Variants in ST3GAL1 observed in about 807,000 individuals in gnomAD.
ST3GAL1 encodes the protein ST3 beta-galactoside alpha-2,3-sialyltransferase 1, also known as CMP-N-acetylneuraminate-beta-galactosamide-alpha-2,3-sialyltransferase 1.
In ST3GAL1, 16 loss-of-function variants were observed where a neutral mutation model predicts 34.1. The ratio of observed to expected loss-of-function variants is 0.47; its 90% confidence interval spans 0.32 to 0.71. ST3GAL1 has a LOEUF of 0.71. ST3GAL1 is among the 30% of genes least tolerant of loss of function. The pLI, the probability that ST3GAL1 is intolerant of heterozygous loss-of-function variation, is 0.04. For missense variants in ST3GAL1, 353 were observed against 447.4 expected (o/e 0.79, Z 1.90); for synonymous variants, 191 against 184.7 (o/e 1.03, Z -0.28).
intron 4 of ST3GAL1, 63 bp downstream of exon 4, chr8:133,476,215 G>C: frequency 1.7e-6 from 1 of 598,352 alleles, no homozygotes; most frequent in Non-Finnish European, 2.8e-6. Flanking sequence ...CTGTGTCCCA[G>C]ACACGGCTGT....
Position 133,571,316 on chromosome 8 carries a change from A to G in ST3GAL1, c.-582+377T>C, listed in dbSNP as rs1244123234. ...CCAGCCCGGCGCCGGGTGCAATGTC[A>G]CTGGGGCTGCTTTCGGGAACCGCTG... On this transcript the variant is annotated intron_variant, in intron 1 of 9. Transcript: ENST00000522652. This position sits in a 1 kb window ranked among gnomAD's most constrained non-coding sequence, Gnocchi z 6.7. 1.3e-5 allele frequency among the ~76,000 whole-genome samples: 2 copies of G among 151,988 alleles called. No homozygotes were observed. Among genetic ancestry groups the G allele is most frequent in the Non-Finnish European group, 2.9e-5 (2 of 67,976 alleles).
intron 3 of ST3GAL1, among the ~76,000 whole-genome samples, chr8:133,489,924 C>T (rs1262815102): frequency 6.6e-6 from 1 of 152,136 alleles, no homozygotes; most frequent in Non-Finnish European, 1.5e-5. Flanking sequence ...GACAAAAGCC[C>T]ATGGAATATC....
At chr8:133,464,716 G>T (rs962868590) in intron 7 of ST3GAL1, 62 bp downstream of exon 7, 13 of 1,538,732 alleles carry the variant, frequency 8.4e-6, no homozygotes, top group African/African-American at 4.1e-5. Context: ...ACGGCAGGGT[G>T]GGGGGACAGG....
intron 2 of ST3GAL1, among the ~76,000 whole-genome samples, chr8:133,544,561 AT>A (rs1474117623): frequency 6.6e-6 from 1 of 151,990 alleles, no homozygotes. Flanking sequence ...CTTGTTTCTT[AT>A]CGCTCTTGCC....
Position 133,476,331 on chromosome 8 carries a change from T to C in ST3GAL1, c.-104A>G. On this transcript the variant is annotated 5_prime_UTR_variant, in exon 4 of 10. Coordinates refer to ENST00000522652, the MANE Select transcript of ST3GAL1 (RefSeq NM_173344.3). Reference sequence around the variant, plus strand: ...TCTGCAATCCTTAAAGAGCTGATAATGTCTCTCGATCAAGCTTTAACCAGT... The same window carrying C: ...TCTGCAATCCTTAAAGAGCTGATAACGTCTCTCGATCAAGCTTTAACCAGT... The C allele has an allele frequency of 3.9e-6, 1 of 257,254 alleles. No homozygotes were observed. Among genetic ancestry groups the C allele is most frequent in the Non-Finnish European group, 7.5e-6 (1 of 133,902 alleles). The allele number at this position is 257,254 out of a possible 1,614,324, so 15.9% of individuals were successfully genotyped here.
rs1388745474 is a variant in ST3GAL1, at chr8:133,556,446, G to C, written c.-581-10520C>G. Among the ~76,000 whole-genome samples, 2 of 152,160 alleles carry C rather than the reference G, an allele frequency of 1.3e-5. No individual in the cohort carries two copies. The highest frequency in any genetic ancestry group is 1.9e-4 in the East Asian group (1 of 5,186). The stretch of plus-strand genomic sequence containing the variant: ...TTTCAGAGGAGTGAGATGCTGGCAG[G>C]CTGTACAGCTGTCCTCTGGGCCCAG... On this transcript the variant is annotated intron_variant, in intron 1 of 9. Coordinates refer to ENST00000522652, the MANE Select transcript of ST3GAL1 (RefSeq NM_173344.3). This position sits in a 1 kb window ranked among gnomAD's most constrained non-coding sequence, Gnocchi z 8.9.
intron 2 of ST3GAL1, chr8:133,539,711 G>GCACAGCAAA (rs1818411987): frequency 6.6e-6 from 1 of 152,056 alleles, no homozygotes; most frequent in African/African-American, 2.4e-5. Context: ...AGCCTGAGTG[G>GCACAGCAAA]CACAGCAAAA....
chr8:133,557,753 C>T (rs915660828), intron 1 of ST3GAL1, among the ~76,000 whole-genome samples: 6 of 152,176 alleles, frequency 3.9e-5, no homozygotes, highest in African/African-American at 4.8e-5. Context: ...GAGGCTGAGG[C>T]GGAAGAATTG....
At chr8:133,528,702 A>G (rs753882506) in intron 2 of ST3GAL1, among the ~76,000 whole-genome samples, 4 of 152,250 alleles carry the variant, frequency 2.6e-5, no homozygotes, top group Non-Finnish European at 5.9e-5. Context: ...AATAGTCATG[A>G]GAGATATGAT....
rs552071295 is a variant in ST3GAL1, at chr8:133,516,744, C to A, written c.-428-17555G>T. Among the ~76,000 whole-genome samples the A allele has an allele frequency of 2.0e-5, 3 of 152,352 alleles. No homozygotes were observed. In the East Asian group the frequency reaches 5.8e-4, roughly 29 times the overall value. On this transcript the variant is annotated intron_variant, in intron 2 of 9. Transcript: ENST00000522652. ...ACAGCTAAAACACTGCAAGCTGGAA[C>A]TGCTTACAACCCTCATAACTCTAAG... is the stretch of plus-strand genomic sequence containing the variant.
Position 133,507,503 on chromosome 8 carries a change from C to T in ST3GAL1, c.-428-8314G>A, listed in dbSNP as rs117037267. Among the ~76,000 whole-genome samples, 161 of 152,186 alleles carry T rather than the reference C, an allele frequency of 1.1e-3. No individual in the cohort carries two copies. In the East Asian group the frequency reaches 0.021, roughly 19 times the overall value. ...GAAGGTATTTCACCTCTGCCAGCCA[C>T]GGCTTCCACCTTGCAGGCACGGGCA... On this transcript the variant is annotated intron_variant, in intron 2 of 9. Transcript: ENST00000522652.
chr8:133,545,938 G>A lies in ST3GAL1; in HGVS notation c.-581-12C>T, dbSNP rs2131075422. 6.6e-6 allele frequency: 1 copy of A among 152,340 alleles called. No homozygotes were observed. Among genetic ancestry groups the A allele is most frequent in the East Asian group, 1.9e-4 (1 of 5,186 alleles). 9.4% of individuals were successfully genotyped at this position (152,340 alleles called of 1,614,324 possible). A position where few individuals can be genotyped will look rare whatever the true frequency, so the allele number is the denominator to read the frequency against. Reference sequence around the variant, plus strand: ...GAAAATGGTACCAACTGAAAGAGAAGAGGAGAAAAGTTTAAGTCAGTTTTG... The same window carrying A: ...GAAAATGGTACCAACTGAAAGAGAAAAGGAGAAAAGTTTAAGTCAGTTTTG... On this transcript the variant is annotated splice_polypyrimidine_tract_variant and intron_variant, in intron 1 of 9. Coordinates refer to ENST00000522652, the MANE Select transcript of ST3GAL1 (RefSeq NM_173344.3).
intron 3 of ST3GAL1, among the ~76,000 whole-genome samples, chr8:133,479,336 T>G (rs1324957715): frequency 1.4e-4 from 19 of 134,040 alleles, no homozygotes; most frequent in South Asian, 2.4e-4. Flanking sequence ...GAGGAGTGGG[T>G]GGGGGGTGAG....
At chr8:133,514,628 C>T (rs934219460) in intron 2 of ST3GAL1, among the ~76,000 whole-genome samples, 2 of 151,996 alleles carry the variant, frequency 1.3e-5, no homozygotes, top group Admixed American at 1.3e-4. Context: ...CAAGGGCTCC[C>T]TAGAAGCTCC....
chr8:133,465,278 T>G (rs904782475), intron 6 of ST3GAL1, among the ~76,000 whole-genome samples: 1 of 152,188 alleles, frequency 6.6e-6, no homozygotes, highest in Non-Finnish European at 1.5e-5. Flanking sequence ...TTACCATGGA[T>G]GTACCCATGG....
At chr8:133,566,352 C>T (rs1819399681) in intron 1 of ST3GAL1, among the ~76,000 whole-genome samples, 1 of 152,162 alleles carries the variant, frequency 6.6e-6, no homozygotes, top group South Asian at 2.1e-4. Flanking sequence ...AGGAGTTTTC[C>T]AAAACTTCCT....
intron 3 of ST3GAL1, among the ~76,000 whole-genome samples, chr8:133,482,964 C>T (rs1373765543): frequency 1.3e-5 from 2 of 152,244 alleles, no homozygotes; most frequent in Non-Finnish European, 2.9e-5. Context: ...AATCCTGACT[C>T]TTCCCATTCC....
intron 2 of ST3GAL1, among the ~76,000 whole-genome samples, chr8:133,531,341 A>ATG (rs1563729719): frequency 6.6e-6 from 1 of 152,194 alleles, no homozygotes; most frequent in East Asian, 1.9e-4. Flanking sequence ...TGTATGTGAT[A>ATG]TGTGTGTGTA....
In ST3GAL1 at chr8:133,571,083, GT is replaced by G. The variant is rs1174284725; in HGVS notation, c.-582+609del. ...ATCCGGAGCAGCGCGCTCTGACGGCGTCCCCGGGGCCGATAGCCACCTCCCG... is the reference window on the plus strand; with the variant it reads ...ATCCGGAGCAGCGCGCTCTGACGGCGCCCCGGGGCCGATAGCCACCTCCCG... On this transcript the variant is annotated intron_variant, in intron 1 of 9. Transcript: ENST00000522652. This position sits in a 1 kb window ranked among gnomAD's most constrained non-coding sequence, Gnocchi z 6.7. 6.6e-6 allele frequency among the ~76,000 whole-genome samples: 1 copy of G among 152,194 alleles called. No homozygotes were observed. Among genetic ancestry groups the G allele is most frequent in the East Asian group, 1.9e-4 (1 of 5,170 alleles).
Sources: allele counts gnomAD v4.1 joint callset (sites outside exome capture counted in the v4.1 genomes callset), GRCh38; gene constraint gnomAD v4.1.1; non-coding constraint Gnocchi (gnomAD v3.1); transcripts MANE v1.5; gene names NCBI Gene and HGNC (gene_info 2026-07-23, HGNC 2026-07-21).